The following ADAMTSL1 variants were observed in gnomAD, a reference collection of about 807,000 sequenced individuals.
The protein encoded by ADAMTSL1 is ADAMTS-like protein 1.
A neutral mutation model predicts 201.8 loss-of-function variants in ADAMTSL1; 126 were observed. The ratio of observed to expected loss-of-function variants is 0.62; its 90% CI spans 0.54 to 0.72. The LOEUF is 0.72. Ranked by LOEUF, ADAMTSL1 falls within the 30% of genes least tolerant of loss-of-function variation. The pLI is 0.00. For missense variants in ADAMTSL1, 2,679 were observed against 2,277.8 expected (o/e 1.18, Z -3.59); for synonymous variants, 1,121 against 903.4 (o/e 1.24, Z -4.32).
chr9:18,645,682 A>C (rs1827760683), intron 7 of ADAMTSL1, among the ~76,000 whole-genome samples: 1 of 150,286 alleles, frequency 6.7e-6, no homozygotes, highest in Non-Finnish European at 1.5e-5. Flanking sequence ...CAGGTTTGTC[A>C]AAGATCAGAT....
intron 2 of ADAMTSL1, among the ~76,000 whole-genome samples, chr9:18,175,787 C>G (rs1350707759): frequency 6.6e-6 from 1 of 152,038 alleles, no homozygotes; most frequent in African/African-American, 2.4e-5. Context: ...TATCTTTGCT[C>G]ATGGAACCAG....
intron 16 of ADAMTSL1, among the ~76,000 whole-genome samples, chr9:18,759,087 T>A (rs543561276): frequency 6.6e-6 from 1 of 152,336 alleles, no homozygotes; most frequent in African/African-American, 2.4e-5. Context: ...GCATATGTTT[T>A]ATGTTCAAGA....
intron 1 of ADAMTSL1, among the ~76,000 whole-genome samples, chr9:17,986,949 T>C (rs1818952519): frequency 6.6e-6 from 1 of 152,126 alleles, no homozygotes; most frequent in Admixed American, 6.6e-5. Context: ...TTTCTTCTTA[T>C]AGCCATTTTA....
chr9:18,683,411 T>TC (rs1830639128), intron 12 of ADAMTSL1, among the ~76,000 whole-genome samples: 1 of 151,666 alleles, frequency 6.6e-6, no homozygotes, highest in Non-Finnish European at 1.5e-5. Context: ...TTTTTTTTTT[T>TC]TGGTAGAGAC....
intron 23 of ADAMTSL1, among the ~76,000 whole-genome samples, chr9:18,867,816 T>A (rs1313691004): frequency 6.6e-6 from 1 of 151,904 alleles, no homozygotes; most frequent in Non-Finnish European, 1.5e-5. Context: ...TTAGTAGAGA[T>A]GGGGTTTCAC....
chr9:17,987,448 A>G (rs1818974703), intron 1 of ADAMTSL1, among the ~76,000 whole-genome samples: 1 of 152,136 alleles, frequency 6.6e-6, no homozygotes, highest in African/African-American at 2.4e-5. Context: ...ACTACCACAC[A>G]TATCTGACCC....
At chr9:18,534,597 T>C (rs1819640622) in intron 3 of ADAMTSL1, among the ~76,000 whole-genome samples, 1 of 152,246 alleles carries the variant, frequency 6.6e-6, no homozygotes, top group South Asian at 2.1e-4. Context: ...GGCATTTTTA[T>C]TATTCCACAT....
rs1324733156 is a variant in ADAMTSL1 at position 17,925,253 on chromosome 9, A to G, written c.87+18331A>G. ...GAAATAGGAACACTTTTACACTGTT[A>G]GTGGGACTGTAAACTAGTTCAACCA... On this transcript the variant is annotated intron_variant, in intron 1 of 29. Coordinates refer to the ADAMTSL1 transcript ENST00000680146. Among the ~76,000 whole-genome samples the G allele has an allele frequency of 1.2e-4, 15 of 121,320 alleles. 1 individual carries two copies. The highest frequency in any genetic ancestry group is 6.1e-4 in the South Asian group (2 of 3,266). 79.6% of individuals were successfully genotyped at this position (121,320 alleles called of 152,430 possible).
intron 7 of ADAMTSL1, among the ~76,000 whole-genome samples, chr9:18,649,609 C>G (rs10963705): frequency 0.29 from 43,408 of 151,856 alleles, 6,610 homozygotes; most frequent in East Asian, 0.65. Context: ...TTCTAACAGA[C>G]AGGACCCTCA....
At chr9:18,174,769 T>C (rs1275730011) in intron 2 of ADAMTSL1, among the ~76,000 whole-genome samples, 2 of 152,156 alleles carry the variant, frequency 1.3e-5, no homozygotes, top group African/African-American at 4.8e-5. Flanking sequence ...AAATGTTCAT[T>C]TTAAAATTTG....
At chr9:18,145,840 A>C (rs141105018) in intron 1 of ADAMTSL1, among the ~76,000 whole-genome samples, 1 of 152,334 alleles carries the variant, frequency 6.6e-6, no homozygotes, top group African/African-American at 2.4e-5. Context: ...AAATGTTTGC[A>C]GACTAAATAT....
At chr9:17,961,558 A>C (rs1702904587) in intron 1 of ADAMTSL1, among the ~76,000 whole-genome samples, 1 of 152,086 alleles carries the variant, frequency 6.6e-6, no homozygotes, top group African/African-American at 2.4e-5. Flanking sequence ...GCCTATTTTT[A>C]AGAGAGATGA....
intron 2 of ADAMTSL1, among the ~76,000 whole-genome samples, chr9:18,420,163 C>T (rs760027792): frequency 3.3e-5 from 5 of 152,100 alleles, no homozygotes; most frequent in Admixed American, 1.3e-4. Context: ...TGGTGAAAAC[C>T]GCAATTACTG....
intron 26 of ADAMTSL1, among the ~76,000 whole-genome samples, chr9:18,905,067 C>T (rs1031456449): frequency 1.3e-5 from 2 of 152,150 alleles, no homozygotes; most frequent in African/African-American, 2.4e-5. Context: ...AAGTTAAGAG[C>T]CTTTGTTCTA....
chr9:18,477,594 A>C (rs1008631294), intron 1 of ADAMTSL1, among the ~76,000 whole-genome samples: 1 of 152,170 alleles, frequency 6.6e-6, no homozygotes, highest in African/African-American at 2.4e-5. Flanking sequence ...ATGTGCATGC[A>C]CAAGCACTTT....
chr9:18,126,833 C>T (rs767628282), intron 1 of ADAMTSL1, among the ~76,000 whole-genome samples: 2 of 152,016 alleles, frequency 1.3e-5, no homozygotes, highest in African/African-American at 2.4e-5. Context: ...CCTCTGGATG[C>T]AAAAACAGTA....
chr9:18,378,174 C>T (rs1267607976), intron 2 of ADAMTSL1, among the ~76,000 whole-genome samples: 1 of 152,118 alleles, frequency 6.6e-6, no homozygotes, highest in Non-Finnish European at 1.5e-5. Context: ...GGACAAGGGA[C>T]CTGCTTCTAG....
intron 2 of ADAMTSL1, among the ~76,000 whole-genome samples, chr9:18,322,767 A>G (rs1586893662): frequency 1.3e-5 from 2 of 152,362 alleles, no homozygotes; most frequent in East Asian, 3.9e-4. Context: ...CATAGATAGT[A>G]AAATGATAAA....
intron 16 of ADAMTSL1, among the ~76,000 whole-genome samples, chr9:18,767,905 C>T (rs1820457431): frequency 6.6e-6 from 1 of 152,162 alleles, no homozygotes; most frequent in Admixed American, 6.5e-5. Flanking sequence ...TAATCAAGCC[C>T]AAACGACACA....
Sources: gnomAD v4.1 joint callset for allele counts (sites outside exome capture counted in the v4.1 genomes callset) on GRCh38, gnomAD v4.1.1 for gene constraint, MANE v1.5 for transcripts, NCBI Gene and HGNC (gene_info 2026-07-23, HGNC 2026-07-21) for gene names.